The following FBXL7 variants were observed in gnomAD, a reference collection of about 807,000 sequenced individuals.
FBXL7 encodes the protein F-box/LRR-repeat protein 7.
FBXL7 carries 12 observed loss-of-function variants against 38.3 expected under a neutral mutation model. That is an observed-to-expected ratio of 0.31 (90% confidence interval 0.20 to 0.51). The LOEUF is 0.51. Among genes scored for constraint, FBXL7 ranks in the 20% least tolerant of loss-of-function variants. FBXL7 has a pLI of 0.98. For missense variants in FBXL7, 567 were observed against 676.4 expected, an observed-to-expected ratio of 0.84 and a Z score of 1.79; for synonymous variants, 297 against 300.9, an observed-to-expected ratio of 0.99 and a Z score of 0.13.
intron 2 of FBXL7, among the ~76,000 whole-genome samples, chr5:15,821,797 C>T (rs140274288): frequency 6.6e-6 from 1 of 152,182 alleles, no homozygotes; most frequent in African/African-American, 2.4e-5. Flanking sequence ...GAGAAAGCAG[C>T]AGGGACTTTT....
chr5:15,774,195 A>G (rs900755857), intron 2 of FBXL7, among the ~76,000 whole-genome samples: 1 of 151,816 alleles, frequency 6.6e-6, no homozygotes, highest in Non-Finnish European at 1.5e-5. Context: ...CTTTCCTATG[A>G]TCCTTTTCTC....
chr5:15,934,897 G>A (rs547942677), intron 3 of FBXL7, among the ~76,000 whole-genome samples: 2 of 152,270 alleles, frequency 1.3e-5, no homozygotes, highest in African/African-American at 2.4e-5. Context: ...AGAGTGAGGA[G>A]ACAGCAAATA....
chr5:15,800,575 AT>A (rs1737537250), intron 2 of FBXL7, among the ~76,000 whole-genome samples: 1 of 152,242 alleles, frequency 6.6e-6, no homozygotes, highest in African/African-American at 2.4e-5. Context: ...ATTTCATTTA[AT>A]CTTCAGAACA....
chr5:15,753,414 CCTT>C (rs1736207447), intron 2 of FBXL7, among the ~76,000 whole-genome samples: 1 of 152,106 alleles, frequency 6.6e-6, no homozygotes, highest in Admixed American at 6.5e-5. Flanking sequence ...TCATAACTGG[CCTT>C]CTTTCTTCCT....
At chr5:15,812,739 G>C (rs1737900724) in intron 2 of FBXL7, among the ~76,000 whole-genome samples, 1 of 152,222 alleles carries the variant, frequency 6.6e-6, no homozygotes, top group South Asian at 2.1e-4. Context: ...CCATTTTCAT[G>C]ATATTGATTC....
intron 2 of FBXL7, among the ~76,000 whole-genome samples, chr5:15,806,974 G>T (rs1324788834): frequency 1.3e-5 from 2 of 151,796 alleles, no homozygotes; most frequent in Non-Finnish European, 2.9e-5. Flanking sequence ...TTTTGAGACG[G>T]AGTTTCGCTC....
intron 2 of FBXL7, among the ~76,000 whole-genome samples, chr5:15,708,975 C>T (rs964259397): frequency 3.3e-5 from 5 of 152,114 alleles, no homozygotes; most frequent in Admixed American, 3.3e-4. Flanking sequence ...TGTAATTGGT[C>T]TTTGACTTAA....
intron 2 of FBXL7, among the ~76,000 whole-genome samples, chr5:15,710,459 G>A (rs900211935): frequency 6.6e-6 from 1 of 152,042 alleles, no homozygotes; most frequent in Non-Finnish European, 1.5e-5. Flanking sequence ...GACCTTCCAA[G>A]GCCACATTGT....
chr5:15,534,821 G>A (rs1055633156), intron 1 of FBXL7, among the ~76,000 whole-genome samples: 1 of 152,184 alleles, frequency 6.6e-6, no homozygotes, highest in Non-Finnish European at 1.5e-5. Flanking sequence ...GCCAGTGTTT[G>A]GTGTTGTCAG....
At chr5:15,761,114 G>C (rs1431386049) in intron 2 of FBXL7, among the ~76,000 whole-genome samples, 1 of 152,188 alleles carries the variant, frequency 6.6e-6, no homozygotes, top group Non-Finnish European at 1.5e-5. Flanking sequence ...TACAACATAT[G>C]TGCCTGTGGA....
chr5:15,695,717 T>A (rs141494167), intron 2 of FBXL7, among the ~76,000 whole-genome samples: 43 of 152,256 alleles, frequency 2.8e-4, no homozygotes, highest in African/African-American at 1.0e-3. Context: ...CTTTATTATC[T>A]CCATTTTATA....
chr5:15,679,985 G>A (rs1742792349), intron 2 of FBXL7, among the ~76,000 whole-genome samples: 1 of 152,152 alleles, frequency 6.6e-6, no homozygotes, highest in African/African-American at 2.4e-5. Context: ...CTAAATGGTT[G>A]CTGGAGCAAA....
intron 2 of FBXL7, among the ~76,000 whole-genome samples, chr5:15,668,857 A>G (rs1243844443): frequency 6.6e-6 from 1 of 152,210 alleles, no homozygotes; most frequent in Non-Finnish European, 1.5e-5. Context: ...ATACTATGAA[A>G]TTATATTTCT....
chr5:15,832,553 C>G (rs1169794711), intron 2 of FBXL7, among the ~76,000 whole-genome samples: 1 of 152,172 alleles, frequency 6.6e-6, no homozygotes, highest in Non-Finnish European at 1.5e-5. Flanking sequence ...TTTGAGTTAA[C>G]CATCTCGAAA....
At chr5:15,781,904 A>C (rs1245198162) in intron 2 of FBXL7, among the ~76,000 whole-genome samples, 1 of 152,158 alleles carries the variant, frequency 6.6e-6, no homozygotes, top group Non-Finnish European at 1.5e-5. Flanking sequence ...ATAGATATAC[A>C]TGTGCCATGG....
At chr5:15,523,692 C>T (rs1737171330) in intron 1 of FBXL7, among the ~76,000 whole-genome samples, 1 of 152,184 alleles carries the variant, frequency 6.6e-6, no homozygotes, top group South Asian at 2.1e-4. Flanking sequence ...GCGCCTTCTG[C>T]ACATATGTAT....
chr5:15,892,807 C>A (rs1262948472), intron 2 of FBXL7, among the ~76,000 whole-genome samples: 4 of 152,114 alleles, frequency 2.6e-5, no homozygotes, highest in Non-Finnish European at 4.4e-5. Context: ...CTATTTTCCT[C>A]ATTTTACAGA....
chr5:15,826,450 A>T (rs933352278), intron 2 of FBXL7, among the ~76,000 whole-genome samples: 7 of 152,056 alleles, frequency 4.6e-5, no homozygotes, highest in Non-Finnish European at 1.0e-4. Context: ...ACAAAGTCTC[A>T]CTCTGTCACC....
intron 1 of FBXL7, among the ~76,000 whole-genome samples, chr5:15,583,817 G>A (rs1387571528): frequency 6.6e-6 from 1 of 152,218 alleles, no homozygotes. Flanking sequence ...CAGTGCCCCA[G>A]TGGGGACTCT....
Sources: gnomAD v4.1 joint callset for allele counts (sites outside exome capture counted in the v4.1 genomes callset) on GRCh38, gnomAD v4.1.1 for gene constraint, MANE v1.5 for transcripts, NCBI Gene and HGNC (gene_info 2026-07-23, HGNC 2026-07-21) for gene names.